The following CIB3 variants were observed in gnomAD, a reference collection of about 807,000 sequenced individuals.
CIB3 encodes calcium and integrin-binding family member 3.
In CIB3, 22 loss-of-function variants were observed where a neutral mutation model predicts 23.4. That is an observed-to-expected ratio of 0.94 (90% CI 0.67 to 1.34). CIB3 has a LOEUF of 1.34. Ranked by LOEUF, CIB3 falls within the 40% of genes most tolerant of loss-of-function variation. CIB3 has a pLI of 0.00. For missense variants in CIB3, 258 were observed against 247.3 expected, an observed-to-expected ratio of 1.04 and a Z score of -0.29; for synonymous variants, 93 against 95.8, an observed-to-expected ratio of 0.97 and a Z score of 0.17.
At chr19:16,171,819 G>C (rs2091329380) in intron 2 of CIB3, among the ~76,000 whole-genome samples, 1 of 152,206 alleles carries the variant, frequency 6.6e-6, no homozygotes, top group South Asian at 2.1e-4. Flanking sequence ...AAACAATGGG[G>C]CTCACTAGTA....
chr19:16,164,822 G>A lies in CIB3; in HGVS notation c.438C>T (p.Ser146=). The A allele has an allele frequency of 6.2e-7, 1 of 1,613,898 alleles. No homozygotes were observed. Among genetic ancestry groups the A allele is most frequent in the Non-Finnish European group, 8.5e-7 (1 of 1,179,996 alleles). The change falls in exon 5 of 6, where the codon AGC becomes AGT. Residue 146 remains serine, a synonymous_variant. Coordinates refer to ENST00000269878, the MANE Select transcript of CIB3 (RefSeq NM_054113.4). The stretch of plus-strand genomic sequence containing the variant: ...CATCCAGCACCTTCTCACATACCAG[G>A]CTCACCTCCTCGGCACTCAGCCCCC... ...TRGGLSAEEV[S]LVCEKVLDEA...
At chr19:16,172,818 G>A (rs2091334072) in intron 2 of CIB3, among the ~76,000 whole-genome samples, 1 of 151,836 alleles carries the variant, frequency 6.6e-6, no homozygotes, top group South Asian at 2.1e-4. Flanking sequence ...TACATGTGGT[G>A]GCTCGCACCA....
At chr19:16,162,111 C>G (rs533100366) in intron 5 of CIB3, among the ~76,000 whole-genome samples, 1 of 151,776 alleles carries the variant, frequency 6.6e-6, no homozygotes, top group Non-Finnish European at 1.5e-5. Flanking sequence ...TTATATGTAT[C>G]GAAACCATTA....
In CIB3 at chr19:16,169,758, A is replaced by G. The variant is rs1316579131; in HGVS notation, c.87-17T>C. 6.3e-7 allele frequency: 1 copy of G among 1,581,330 alleles called. No homozygotes were observed. Among genetic ancestry groups the G allele is most frequent in the East Asian group, 2.3e-5 (1 of 44,384 alleles). On this transcript the variant is annotated splice_polypyrimidine_tract_variant and intron_variant, in intron 2 of 5. Coordinates refer to ENST00000269878, the MANE Select transcript of CIB3 (RefSeq NM_054113.4). Reference sequence around the variant, plus strand: ...TAGAAGAGCCTGATGTGGGGAGGAAAAAGCTGGGAAAGACTGGGAGCAGGG... The same window carrying G: ...TAGAAGAGCCTGATGTGGGGAGGAAGAAGCTGGGAAAGACTGGGAGCAGGG...
chr19:16,163,139 G>A (rs1364884583), intron 5 of CIB3, among the ~76,000 whole-genome samples: 4 of 151,988 alleles, frequency 2.6e-5, no homozygotes, highest in Admixed American at 6.6e-5. Context: ...GCTCGGCCCC[G>A]TAGTCCCAGC....
Position 16,164,729 on chromosome 19 carries a change from T to C in CIB3, c.531A>G (p.Pro177=). ...ACGGAGAGCATCACCTGAGGAAGTC[T>C]GGTGCCCGGAGGATCATGTTCTGGA... ...EDFQNMILRA[P]DFLSTFHIRI Residue 177 remains proline, a synonymous_variant, in exon 5 of 6, where the codon CCA becomes CCG. Coordinates refer to ENST00000269878, the MANE Select transcript of CIB3 (RefSeq NM_054113.4). The C allele has an allele frequency of 6.2e-7, 1 of 1,613,852 alleles. No individual in the cohort carries two copies. Among genetic ancestry groups the C allele is most frequent in the Non-Finnish European group, 8.5e-7 (1 of 1,179,846 alleles).
chr19:16,171,485 A>G (rs1181987381), intron 2 of CIB3, among the ~76,000 whole-genome samples: 1 of 152,136 alleles, frequency 6.6e-6, no homozygotes, highest in Non-Finnish European at 1.5e-5. Flanking sequence ...TATGATGACT[A>G]GGAACTCAAT....
In CIB3 at chr19:16,165,050, T is replaced by C. The variant is rs1232491021; in HGVS notation, c.347-137A>G. On this transcript the variant is annotated intron_variant, in intron 4 of 5. Transcript: ENST00000269878. The stretch of plus-strand genomic sequence containing the variant: ...GGCTCACGCCTGTAATCCCAACACT[T>C]TGGGAGGCTGAGGAGGGTGGAACAC... The C allele has an allele frequency of 1.4e-6, 1 of 713,006 alleles. No homozygotes were observed. The highest frequency in any genetic ancestry group is 2.4e-6 in the Non-Finnish European group (1 of 415,634). The allele number at this position is 713,006 out of a possible 1,614,324, so 44.2% of individuals were successfully genotyped here.
intron 4 of CIB3, 60 bp from the exon 5 acceptor site, chr19:16,164,973 G>A: frequency 2.8e-6 from 4 of 1,424,988 alleles, no homozygotes; most frequent in South Asian, 1.2e-5. Context: ...GCCGGCTGTG[G>A]GCACATACTG....
At position 16,169,751 on chromosome 19, in the gene CIB3, G is replaced by A; in HGVS notation, c.87-10C>T. The A allele has an allele frequency of 6.3e-7, 1 of 1,589,676 alleles. No individual in the cohort carries two copies. The highest frequency in any genetic ancestry group is 8.6e-7 in the Non-Finnish European group (1 of 1,169,020). ...GTAGCGATAGAAGAGCCTGATGTGG[G>A]GAGGAAAAAGCTGGGAAAGACTGGG... On this transcript the variant is annotated splice_polypyrimidine_tract_variant and intron_variant, in intron 2 of 5. Transcript: ENST00000269878.
At chr19:16,163,200 T>C (rs978334201) in intron 5 of CIB3, among the ~76,000 whole-genome samples, 2 of 152,226 alleles carry the variant, frequency 1.3e-5, no homozygotes, top group East Asian at 1.9e-4. Context: ...AGTTAGAGGC[T>C]GCAGTGAGCC....
At chr19:16,169,864 A>G (rs1210403018) in intron 2 of CIB3, 123 bp from the exon 3 acceptor site, 4 of 735,058 alleles carry the variant, frequency 5.4e-6, no homozygotes, top group African/African-American at 3.7e-5. Context: ...CAGTGGCACA[A>G]TCTCGGCTCA....
Position 16,171,997 on chromosome 19 carries a change from A to C in CIB3, c.86+1165T>G, listed in dbSNP as rs2091330217. On this transcript the variant is annotated intron_variant, in intron 2 of 5. Coordinates refer to ENST00000269878, the MANE Select transcript of CIB3 (RefSeq NM_054113.4). The stretch of plus-strand genomic sequence containing the variant: ...GGCCGAGTGATGATGTGGGATACTC[A>C]TCTGTGCCCATCGTGCTGGGTCACG... Among the ~76,000 whole-genome samples the C allele has an allele frequency of 4.6e-5, 7 of 152,282 alleles. No individual in the cohort carries two copies. In the South Asian group the frequency reaches 1.5e-3, roughly 32 times the overall value.
At chr19:16,170,921 G>A (rs1048879014) in intron 2 of CIB3, among the ~76,000 whole-genome samples, 4 of 151,942 alleles carry the variant, frequency 2.6e-5, no homozygotes, top group African/African-American at 7.3e-5. Context: ...GGTGGATCAC[G>A]AGGACAGGAG....
At chr19:16,166,606 G>T (rs2091306719) in intron 4 of CIB3, among the ~76,000 whole-genome samples, 1 of 152,008 alleles carries the variant, frequency 6.6e-6, no homozygotes. Context: ...TATTTATTGA[G>T]CACCTACTAC....
chr19:16,165,953 C>T (rs2091304250), intron 4 of CIB3, among the ~76,000 whole-genome samples: 1 of 152,184 alleles, frequency 6.6e-6, no homozygotes, highest in Admixed American at 6.6e-5. Flanking sequence ...TGAGTGCCTA[C>T]TGTGTCCTGG....
chr19:16,173,123 G>GT (rs1257594201), intron 2 of CIB3, 39 bp downstream of exon 2: 1 of 1,609,164 alleles, frequency 6.2e-7, no homozygotes, highest in Admixed American at 1.7e-5. Flanking sequence ...ATAGAAAGTT[G>GT]TTTTTCCAGA....
rs187459086 is a variant in CIB3, at chr19:16,163,754, A to C, written c.542+964T>G. 7.2e-5 allele frequency among the ~76,000 whole-genome samples: 11 copies of C among 152,294 alleles called. No individual in the cohort carries two copies. In the East Asian group the frequency reaches 1.9e-3, roughly 27 times the overall value. On this transcript the variant is annotated intron_variant, in intron 5 of 5. Transcript: ENST00000269878. Reference sequence around the variant, plus strand: ...TCCATATATTAATTTGGGGTTCAGCAAACCTTTTTCTGTAAATGGCCAAAT... The same window carrying C: ...TCCATATATTAATTTGGGGTTCAGCCAACCTTTTTCTGTAAATGGCCAAAT...
chr19:16,171,637 T>C (rs551423238), intron 2 of CIB3, among the ~76,000 whole-genome samples: 68 of 152,308 alleles, frequency 4.5e-4, no homozygotes, highest in Non-Finnish European at 8.4e-4. Flanking sequence ...CCTTGGTTAT[T>C]CTATCTGATA....
Sources: gnomAD v4.1 joint callset for allele counts (sites outside exome capture counted in the v4.1 genomes callset) on GRCh38, gnomAD v4.1.1 for gene constraint, MANE v1.5 for transcripts, NCBI Gene and HGNC (gene_info 2026-07-23, HGNC 2026-07-21) for gene names.